The following NRXN3 variants were observed in gnomAD, a reference collection of about 807,000 sequenced individuals.
The protein encoded by NRXN3 is neurexin 3.
Under a neutral mutation model 137.6 loss-of-function variants are expected in NRXN3, and 32 were observed. The ratio of observed to expected loss-of-function variants is 0.23; its 90% confidence interval spans 0.18 to 0.31. The LOEUF (loss-of-function observed/expected upper bound fraction) is 0.31. NRXN3 is among the 10% of genes least tolerant of loss of function. The probability of loss-of-function intolerance (pLI) is 1.00; values close to 1 mark genes in which losing one functional copy is unlikely to be tolerated. For missense variants in NRXN3, 1,574 were observed against 2,062.5 expected, an observed-to-expected ratio of 0.76 and a Z score of 4.59; for synonymous variants, 798 against 784.5, an observed-to-expected ratio of 1.02 and a Z score of -0.29.
chr14:79,575,636 A>C (rs1257220438), intron 16 of NRXN3, among the ~76,000 whole-genome samples: 1 of 152,182 alleles, frequency 6.6e-6, no homozygotes. Context: ...TCTCTAAAGC[A>C]GAATTTCCCA....
At chr14:79,000,541 G>A (rs1200528920) in intron 15 of NRXN3, among the ~76,000 whole-genome samples, 1 of 152,130 alleles carries the variant, frequency 6.6e-6, no homozygotes, top group African/African-American at 2.4e-5. Context: ...TTTTATTTCT[G>A]TAAAAAAGGA....
chr14:78,943,684 A>G (rs2099359706), intron 10 of NRXN3, among the ~76,000 whole-genome samples: 1 of 115,452 alleles, frequency 8.7e-6, no homozygotes, highest in African/African-American at 3.1e-5. Context: ...ATATATCTCA[A>G]AGAATCTAGA....
At chr14:78,578,046 G>GTA (rs757669961) in intron 4 of NRXN3, among the ~76,000 whole-genome samples, 211 of 150,942 alleles carry the variant, frequency 1.4e-3, no homozygotes, top group South Asian at 2.3e-3. Flanking sequence ...CTATGTAAAT[G>GTA]TATATATATA....
intron 12 of NRXN3, among the ~76,000 whole-genome samples, chr14:78,966,639 T>C (rs2099417876): frequency 1.3e-5 from 2 of 152,236 alleles, no homozygotes; most frequent in African/African-American, 4.8e-5. Context: ...GACTTTTTCC[T>C]ATGAAATGTA....
At chr14:79,673,515 A>C (rs1254209370) in intron 17 of NRXN3, among the ~76,000 whole-genome samples, 46 of 152,224 alleles carry the variant, frequency 3.0e-4, no homozygotes, top group East Asian at 9.7e-4. Context: ...CAAACAGCAG[A>C]AACACTGTAA....
At chr14:78,715,547 A>G (rs146246730) in intron 8 of NRXN3, among the ~76,000 whole-genome samples, 4 of 152,218 alleles carry the variant, frequency 2.6e-5, no homozygotes, top group Non-Finnish European at 5.9e-5. Context: ...CAAGACAGGT[A>G]CATCGCTGTT....
rs527279851 is a variant in NRXN3, at chr14:78,308,189, T to C, written c.757+10329T>C. On this transcript the variant is annotated intron_variant, in intron 4 of 20. Transcript: ENST00000335750. ...CATGTGTGTGCGTGTGTAAGAGCAA[T>C]AGATGGAGCAGCCAATGCAGGGAGA... Among the ~76,000 whole-genome samples, 11 of 152,162 alleles carry C rather than the reference T, an allele frequency of 7.2e-5. No homozygotes were observed. The East Asian group carries it at 2.1e-3, about 29-fold the overall frequency.
chr14:78,712,146 A>C (rs995992510), intron 7 of NRXN3, among the ~76,000 whole-genome samples: 23 of 152,220 alleles, frequency 1.5e-4, no homozygotes, highest in Non-Finnish European at 2.9e-5. Context: ...AATTGATTCT[A>C]GTATTGTCTT....
intron 15 of NRXN3, among the ~76,000 whole-genome samples, chr14:79,104,849 G>A (rs1474700716): frequency 6.7e-6 from 1 of 148,270 alleles, no homozygotes; most frequent in Non-Finnish European, 1.5e-5. Flanking sequence ...CTTTGGGTAA[G>A]CCTTTAGCAA....
At chr14:79,115,291 C>G (rs2054233141) in intron 15 of NRXN3, among the ~76,000 whole-genome samples, 1 of 147,916 alleles carries the variant, frequency 6.8e-6, no homozygotes, top group South Asian at 2.1e-4. Flanking sequence ...CGCCATTGCA[C>G]TCCAGCCTGG....
At chr14:78,852,808 G>T (rs1230063698) in intron 10 of NRXN3, among the ~76,000 whole-genome samples, 1 of 151,646 alleles carries the variant, frequency 6.6e-6, no homozygotes, top group African/African-American at 2.4e-5. Flanking sequence ...CTACCTCCTA[G>T]GCACCAGTAA....
chr14:78,808,231 T>C (rs1039012115), intron 9 of NRXN3, among the ~76,000 whole-genome samples: 4 of 152,180 alleles, frequency 2.6e-5, no homozygotes, highest in Admixed American at 2.0e-4. Flanking sequence ...CGCCAAGCTC[T>C]TACATTGGTT....
At chr14:79,163,584 C>T (rs908287398) in intron 15 of NRXN3, among the ~76,000 whole-genome samples, 1 of 151,856 alleles carries the variant, frequency 6.6e-6, no homozygotes, top group Non-Finnish European at 1.5e-5. Flanking sequence ...CCTTCTTGTC[C>T]TTGATATACT....
chr14:78,952,365 G>A (rs1331281334), intron 10 of NRXN3, among the ~76,000 whole-genome samples: 1 of 152,134 alleles, frequency 6.6e-6, no homozygotes, highest in East Asian at 1.9e-4. Context: ...AAATTTTGTG[G>A]ACAGAACATA....
intron 19 of NRXN3, among the ~76,000 whole-genome samples, chr14:79,793,050 T>C (rs904853261): frequency 5.3e-5 from 8 of 151,568 alleles, no homozygotes; most frequent in African/African-American, 1.9e-4. Flanking sequence ...GGAGTTAGAG[T>C]GGGAGCATGT....
intron 15 of NRXN3, among the ~76,000 whole-genome samples, chr14:79,365,831 T>G (rs893050903): frequency 2.0e-5 from 3 of 151,904 alleles, no homozygotes; most frequent in Non-Finnish European, 2.9e-5. Flanking sequence ...TATAGTTTTG[T>G]TTTTTTAAAG....
chr14:79,406,719 G>GA (rs2153505129), intron 15 of NRXN3, among the ~76,000 whole-genome samples: 1 of 152,150 alleles, frequency 6.6e-6, no homozygotes, highest in Admixed American at 6.5e-5. Context: ...CAATTAAGGA[G>GA]AAAAAAATCA....
intron 15 of NRXN3, among the ~76,000 whole-genome samples, chr14:79,316,924 A>C (rs2153234065): frequency 6.6e-6 from 1 of 152,240 alleles, no homozygotes; most frequent in Admixed American, 6.5e-5. Context: ...TGGAGGTGAA[A>C]AGTCTGAAAT....
At chr14:79,615,564 T>C (rs1181431062) in intron 16 of NRXN3, among the ~76,000 whole-genome samples, 11 of 151,984 alleles carry the variant, frequency 7.2e-5, no homozygotes, top group Non-Finnish European at 1.6e-4. Flanking sequence ...AGGAAAGAGG[T>C]TTAATTGACC....
Sources: gnomAD v4.1 joint callset for allele counts (sites outside exome capture counted in the v4.1 genomes callset) on GRCh38, gnomAD v4.1.1 for gene constraint, MANE v1.5 for transcripts, NCBI Gene and HGNC (gene_info 2026-07-23, HGNC 2026-07-21) for gene names.